Variants in MROH9 observed in about 807,000 individuals in gnomAD.
The protein encoded by MROH9 is maestro heat-like repeat-containing protein family member 9.
In MROH9, 92 loss-of-function variants were observed where a neutral mutation model predicts 98.2. The observed-to-expected ratio is 0.94, with a 90% confidence interval of 0.79 to 1.11. The LOEUF is 1.11. Among genes scored for constraint, MROH9 ranks in the 50% most tolerant of loss-of-function variants. The probability of loss-of-function intolerance (pLI) is 0.00; values close to 1 mark genes in which losing one functional copy is unlikely to be tolerated. For missense variants in MROH9, 1,057 were observed against 1,014.8 expected (o/e 1.04, Z -0.57); for synonymous variants, 397 against 368.9 (o/e 1.08, Z -0.87).
rs914847797 is a variant in MROH9, at chr1:171,062,177, T to C, written c.2327T>C (p.Ile776Thr). 3.9e-6 allele frequency: 6 copies of C among 1,549,600 alleles called. No individual in the cohort carries two copies. The African/African-American group carries it at 5.5e-5, about 14-fold the overall frequency. The change falls in exon 21 of 22, where the codon ATC becomes ACC. Residue 776 changes from isoleucine (I) to threonine (T), a missense_variant. Ile to Thr is a moderately conservative substitution (Grantham distance 89, BLOSUM62 -1). Transcript: ENST00000367759. Reference protein sequence around the residue: ...SGGHLLLRDEIEVMLDVIERL... With the variant: ...SGGHLLLRDETEVMLDVIERL... ...GGTCATTTACTGCTTAGAGATGAAA[T>C]CGAAGTCATGCTTGATGGTGAGTAT...
chr1:171,051,516 C>G (rs1653663186), intron 20 of MROH9, among the ~76,000 whole-genome samples: 1 of 152,082 alleles, frequency 6.6e-6, no homozygotes. Flanking sequence ...CATATTCTCA[C>G]TTATAAGTGG....
Position 170,942,918 on chromosome 1 carries a change from T to C in MROH9, c.-37-2602T>C, listed in dbSNP as rs147698378. On this transcript the variant is annotated intron_variant, in intron 1 of 21. Transcript: ENST00000367759. ...AAGGAGGCCAATTCTGCAGTAGCTC[T>C]AATGCTGCCAGGAGGGTAAAATAGT... 1.8e-4 allele frequency among the ~76,000 whole-genome samples: 27 copies of C among 152,240 alleles called. No homozygotes were observed. The East Asian group carries it at 5.0e-3, about 28-fold the overall frequency.
chr1:171,018,669 G>T (rs953587668), intron 17 of MROH9, among the ~76,000 whole-genome samples: 1 of 152,202 alleles, frequency 6.6e-6, no homozygotes, highest in African/African-American at 2.4e-5. Flanking sequence ...TAAAAGGTTA[G>T]AGGAGCTGCT....
At chr1:170,964,445 A>C (rs1047405474) in intron 6 of MROH9, among the ~76,000 whole-genome samples, 1 of 152,132 alleles carries the variant, frequency 6.6e-6, no homozygotes, top group Admixed American at 6.6e-5. Context: ...AAAGGTGAAG[A>C]GGTTTGGCCA....
At chr1:170,990,362 G>A (rs1651310315) in intron 11 of MROH9, among the ~76,000 whole-genome samples, 1 of 152,102 alleles carries the variant, frequency 6.6e-6, no homozygotes, top group Non-Finnish European at 1.5e-5. Flanking sequence ...TTTTGTTGAG[G>A]AAATAAATTT....
intron 11 of MROH9, among the ~76,000 whole-genome samples, chr1:170,991,842 A>G (rs28448365): frequency 0.25 from 38,533 of 151,134 alleles, 6,073 homozygotes; most frequent in African/African-American, 0.45. Flanking sequence ...GGCCAGAGGA[A>G]CAGAGGAAGT....
At chr1:171,015,327 C>A (rs1463960823) in intron 16 of MROH9, among the ~76,000 whole-genome samples, 2 of 152,034 alleles carry the variant, frequency 1.3e-5, no homozygotes, top group African/African-American at 2.4e-5. Context: ...CCAATGTTAT[C>A]AAAAACTGAA....
Position 170,965,239 on chromosome 1 carries a change from C to G in MROH9, c.464C>G (p.Thr155Arg). The stretch of plus-strand genomic sequence containing the variant: ...AACAAGGTGTTAAGATTTACAGTCA[C>G]AAAAGTCAGAAAATACGTAAGTCAC... Reference protein sequence around the residue: ...IINKVLRFTVTKVRKYISVDA... With the variant: ...IINKVLRFTVRKVRKYISVDA... The change falls in exon 7 of 22, where the codon ACA (threonine) becomes AGA (arginine). Residue 155 changes from threonine (T) to arginine (R), a missense_variant. Coordinates refer to ENST00000367759, the MANE Select transcript of MROH9 (RefSeq NM_001163629.2). The G allele has an allele frequency of 6.2e-7, 1 of 1,608,576 alleles. No homozygotes were observed. The highest frequency in any genetic ancestry group is 8.5e-7 in the Non-Finnish European group (1 of 1,175,526).
intron 3 of MROH9, among the ~76,000 whole-genome samples, chr1:170,948,958 C>T (rs1381313805): frequency 2.6e-5 from 4 of 152,052 alleles, no homozygotes; most frequent in Non-Finnish European, 5.9e-5. Context: ...CTCTTTGGAT[C>T]AATACTTGGG....
chr1:171,005,652 C>T lies in MROH9; in HGVS notation c.1596+7378C>T, dbSNP rs570474366. ...TTCTGCAGCTTTACTGAATTTATTA[C>T]GCCCAACAGGCATTTTATGGAGTCA... On this transcript the variant is annotated intron_variant, in intron 15 of 21. Transcript: ENST00000367759. 9.9e-5 allele frequency among the ~76,000 whole-genome samples: 15 copies of T among 152,206 alleles called. No individual in the cohort carries two copies. The East Asian group carries it at 1.2e-3, about 12-fold the overall frequency.
At chr1:171,050,346 A>G (rs1329478347) in intron 20 of MROH9, among the ~76,000 whole-genome samples, 3 of 152,116 alleles carry the variant, frequency 2.0e-5, no homozygotes, top group Non-Finnish European at 4.4e-5. Context: ...TGTCATCTAA[A>G]ATTTCTTTCA....
intron 8 of MROH9, among the ~76,000 whole-genome samples, chr1:170,979,646 T>C (rs1244833572): frequency 6.6e-6 from 1 of 152,096 alleles, no homozygotes; most frequent in Non-Finnish European, 1.5e-5. Context: ...TGAAAATAAA[T>C]GATAAATTAG....
At chr1:171,035,567 G>A (rs930444670) in intron 20 of MROH9, among the ~76,000 whole-genome samples, 2 of 151,734 alleles carry the variant, frequency 1.3e-5, no homozygotes, top group African/African-American at 2.4e-5. Context: ...AATATATAAA[G>A]AATTCATGTA....
At chr1:171,057,217 G>C (rs1431033047) in intron 20 of MROH9, among the ~76,000 whole-genome samples, 1 of 152,172 alleles carries the variant, frequency 6.6e-6, no homozygotes, top group Non-Finnish European at 1.5e-5. Flanking sequence ...TAAAAACCTT[G>C]ATAAAAGGTT....
intron 10 of MROH9, among the ~76,000 whole-genome samples, chr1:170,989,651 C>T (rs1024422265): frequency 6.6e-6 from 1 of 152,178 alleles, no homozygotes; most frequent in Non-Finnish European, 1.5e-5. Context: ...TTCATAAATG[C>T]ACAGATTTAG....
At chr1:170,975,678 G>T (rs943191489) in intron 8 of MROH9, among the ~76,000 whole-genome samples, 1 of 151,824 alleles carries the variant, frequency 6.6e-6, no homozygotes, top group East Asian at 1.9e-4. Context: ...TTAAGAAAAT[G>T]ACCTTTTTTG....
intron 5 of MROH9, among the ~76,000 whole-genome samples, chr1:170,960,192 A>G (rs1649964727): frequency 6.6e-6 from 1 of 152,172 alleles, no homozygotes; most frequent in African/African-American, 2.4e-5. Context: ...TAATGTAGAA[A>G]CTTTCTCAGC....
chr1:171,043,308 G>A (rs986263676), intron 20 of MROH9, among the ~76,000 whole-genome samples: 2 of 151,910 alleles, frequency 1.3e-5, no homozygotes, highest in African/African-American at 4.8e-5. Context: ...TTTCTTTCTG[G>A]GTTCTCTATT....
chr1:171,012,257 A>G (rs932070375), intron 15 of MROH9, among the ~76,000 whole-genome samples: 1 of 151,940 alleles, frequency 6.6e-6, no homozygotes, highest in African/African-American at 2.4e-5. Flanking sequence ...CTTTTATTAT[A>G]TCACAAATTT....
Sources: gnomAD v4.1 joint callset for allele counts (sites outside exome capture counted in the v4.1 genomes callset) on GRCh38, gnomAD v4.1.1 for gene constraint, MANE v1.5 for transcripts, NCBI Gene and HGNC (gene_info 2026-07-23, HGNC 2026-07-21) for gene names.